Variants in SORL1 observed in about 807,000 individuals in gnomAD.
SORL1 encodes the protein sortilin related receptor 1.
A neutral mutation model predicts 273.7 loss-of-function variants in SORL1; 127 were observed. That is an observed-to-expected ratio of 0.46 (90% CI 0.40 to 0.54). SORL1 has a LOEUF of 0.54. SORL1 is among the 20% of genes least tolerant of loss of function. SORL1 has a pLI of 0.00. For synonymous variants in SORL1, 1,031 were observed against 1,067.4 expected (o/e 0.97, Z 0.66); for missense variants, 2,494 against 2,846.1 (o/e 0.88, Z 2.81).
chr11:121,580,717 G>A (rs1030616639), intron 25 of SORL1, among the ~76,000 whole-genome samples: 10 of 148,372 alleles, frequency 6.7e-5, no homozygotes, highest in Admixed American at 4.1e-4. Context: ...CCATCTTCCC[G>A]CCTTAGCCTC....
chr11:121,521,641 T>A (rs757910484), intron 9 of SORL1, among the ~76,000 whole-genome samples: 5 of 152,210 alleles, frequency 3.3e-5, no homozygotes, highest in Non-Finnish European at 2.9e-5. Context: ...ATAGACTTCC[T>A]TGCAGGCAGA....
At chr11:121,458,308 C>T (rs1028521060) in intron 1 of SORL1, among the ~76,000 whole-genome samples, 2 of 151,876 alleles carry the variant, frequency 1.3e-5, no homozygotes, top group South Asian at 4.2e-4. Context: ...TTAGAATTTG[C>T]GACAATAATT....
At chr11:121,598,985 C>CA (rs1197950318) in intron 32 of SORL1, among the ~76,000 whole-genome samples, 1 of 151,982 alleles carries the variant, frequency 6.6e-6, no homozygotes, top group Admixed American at 6.6e-5. Context: ...TGAGTCTTTC[C>CA]AATTCTTCAA....
At chr11:121,577,022 G>A (rs1381196746) in intron 24 of SORL1, 1 of 1,354,576 alleles carries the variant, frequency 7.4e-7, no homozygotes, top group South Asian at 1.2e-5. Context: ...AATGGACAAG[G>A]ATGCTGTTGT....
chr11:121,522,517 C>T (rs12285364), intron 9 of SORL1, 69 bp from the exon 10 acceptor site: 70,983 of 1,201,920 alleles, frequency 0.059, 2,727 homozygotes, highest in East Asian at 0.14. Flanking sequence ...TCACACAGGC[C>T]GCAGGGTTTA....
chr11:121,569,423 G>C (rs951379302), intron 22 of SORL1, among the ~76,000 whole-genome samples: 8 of 152,334 alleles, frequency 5.3e-5, no homozygotes, highest in African/African-American at 1.9e-4. Flanking sequence ...AAAGGAAATG[G>C]GAGAAATATC....
chr11:121,611,222 C>T, intron 39 of SORL1, 64 bp downstream of exon 39: 1 of 1,086,582 alleles, frequency 9.2e-7, no homozygotes, highest in Non-Finnish European at 1.4e-6. Context: ...ACTGAAAGGA[C>T]ATAGCACAGT....
At chr11:121,615,700 G>A (rs1292472593) in intron 41 of SORL1, among the ~76,000 whole-genome samples, 5 of 152,238 alleles carry the variant, frequency 3.3e-5, no homozygotes, top group Middle Eastern at 3.4e-3. Context: ...TATCTTCAGC[G>A]TGCATTTGTC....
intron 1 of SORL1, among the ~76,000 whole-genome samples, chr11:121,464,913 A>G (rs979458488): frequency 8.5e-5 from 13 of 152,168 alleles, no homozygotes; most frequent in African/African-American, 3.1e-4. Context: ...AGGGCTTGAG[A>G]TGAGATAAAA....
intron 22 of SORL1, among the ~76,000 whole-genome samples, chr11:121,568,948 A>G (rs1381285662): frequency 6.6e-6 from 1 of 152,154 alleles, no homozygotes; most frequent in Non-Finnish European, 1.5e-5. Context: ...CCATCATGTT[A>G]CTTGTTGTGG....
At chr11:121,517,272 A>T (rs523917) in intron 8 of SORL1, among the ~76,000 whole-genome samples, 58,761 of 151,730 alleles carry the variant, frequency 0.39, 12,052 homozygotes, top group East Asian at 0.54. Context: ...CGTCAGTCTG[A>T]TTTCTGTGTC....
Position 121,554,986 on chromosome 11 carries a change from T to C in SORL1, c.2440-201T>C, listed in dbSNP as rs1862555804. The stretch of plus-strand genomic sequence containing the variant: ...TATGATTAAATTCTCTTTATTCTGC[T>C]TTAAAAAACAAAAATGTAGTATATT... On this transcript the variant is annotated intron_variant, in intron 17 of 47. Transcript: ENST00000260197. The surrounding 1 kb of genome is among the most constrained non-coding windows in gnomAD (Gnocchi z 4.6). 2.3e-6 allele frequency: 1 copy of C among 438,850 alleles called. No homozygotes were observed. The highest frequency in any genetic ancestry group is 3.9e-5 in the East Asian group (1 of 25,588). 27.2% of individuals were successfully genotyped at this position (438,850 alleles called of 1,614,324 possible). A position where few individuals can be genotyped will look rare whatever the true frequency, so the allele number is the denominator to read the frequency against.
intron 1 of SORL1, among the ~76,000 whole-genome samples, chr11:121,458,517 G>T (rs1860942582): frequency 6.6e-6 from 1 of 152,152 alleles, no homozygotes; most frequent in African/African-American, 2.4e-5. Context: ...GGTGGTCTGG[G>T]CTGTGGGGGT....
At position 121,522,465 on chromosome 11, in the gene SORL1, C is replaced by T. The variant is rs1196052500; in HGVS notation, c.1405-121C>T. 9.4e-6 allele frequency: 7 copies of T among 745,170 alleles called. No individual in the cohort carries two copies. The Admixed American group carries it at 1.3e-4, about 14-fold the overall frequency. 46.2% of individuals were successfully genotyped at this position (745,170 alleles called of 1,614,324 possible). A position where few individuals can be genotyped will look rare whatever the true frequency, so the allele number is the denominator to read the frequency against. ...ACAGCTGGGCTGTGAGTCTGGTTTC[C>T]CCTGGGCCAGGCCTCCTTGCCCCGT... On this transcript the variant is annotated intron_variant, in intron 9 of 47. Transcript: ENST00000260197.
intron 11 of SORL1, among the ~76,000 whole-genome samples, chr11:121,523,287 G>T (rs901456336): frequency 7.9e-5 from 12 of 152,166 alleles, no homozygotes; most frequent in African/African-American, 2.9e-4. Flanking sequence ...GGACCTAAGA[G>T]TGCCTGGCAT....
intron 22 of SORL1, among the ~76,000 whole-genome samples, chr11:121,568,603 T>C (rs1343214207): frequency 1.3e-5 from 2 of 152,208 alleles, no homozygotes; most frequent in Non-Finnish European, 2.9e-5. Flanking sequence ...CTCATTTGCT[T>C]GATAGATAGA....
chr11:121,520,175 A>T (rs1013906113), intron 8 of SORL1, among the ~76,000 whole-genome samples: 1 of 152,100 alleles, frequency 6.6e-6, no homozygotes, highest in African/African-American at 2.4e-5. Context: ...ATCATTGAGG[A>T]TCATCTGAGT....
At position 121,522,968 on chromosome 11, in the gene SORL1, T is replaced by G; in HGVS notation, c.1575T>G (p.Ser525Arg). The G allele has an allele frequency of 6.2e-7, 1 of 1,613,778 alleles. No individual in the cohort carries two copies. The highest frequency in any genetic ancestry group is 8.5e-7 in the Non-Finnish European group (1 of 1,179,662). ...ASKTNVYISSSAGARWREALP... is the reference protein window; with the variant it reads ...ASKTNVYISSRAGARWREALP... ...AGACAAACGTGTACATCTCTAGCAG[T>G]GCTGGAGCCAGGTGGCGAGAGGTCA... The change falls in exon 11 of 48, where the codon AGT becomes AGG. Residue 525 changes from serine to arginine, a missense_variant. Ser to Arg is a moderately radical substitution (Grantham distance 110). This residue lies in a region of SORL1 where 710 missense variants were observed against 882.5 expected (regional missense o/e 0.80). Transcript: ENST00000260197.
chr11:121,523,738 A>T (rs953424790), intron 11 of SORL1, among the ~76,000 whole-genome samples: 3 of 152,066 alleles, frequency 2.0e-5, no homozygotes, highest in African/African-American at 7.2e-5. Flanking sequence ...ACCAGGGTAA[A>T]ACCCAACAGA....
Sources: gnomAD v4.1 joint callset for allele counts (sites outside exome capture counted in the v4.1 genomes callset) on GRCh38, gnomAD v4.1.1 for gene constraint, gnomAD v4.1.1 regional missense constraint, Gnocchi (gnomAD v3.1) non-coding constraint, MANE v1.5 for transcripts, NCBI Gene and HGNC (gene_info 2026-07-23, HGNC 2026-07-21) for gene names.